Variants in SIGLECL1 observed in about 807,000 individuals in gnomAD.
SIGLECL1 encodes the protein SIGLEC family like 1.
Under a neutral mutation model 19.1 loss-of-function variants are expected in SIGLECL1, and 16 were observed. The observed-to-expected ratio is 0.84, with a 90% CI of 0.57 to 1.27. The LOEUF (loss-of-function observed/expected upper bound fraction) is 1.27, where lower values mean the gene tolerates loss of function less well. SIGLECL1 is among the 50% of genes most tolerant of loss of function. The pLI, the probability that SIGLECL1 is intolerant of heterozygous loss-of-function variation, is 0.00. For synonymous variants in SIGLECL1, 89 were observed against 90.4 expected (o/e 0.98, Z 0.09); for missense variants, 210 against 239.4 (o/e 0.88, Z 0.81).
chr19:51,266,735 G>T (rs1568446862), intron 4 of SIGLECL1, among the ~76,000 whole-genome samples: 1 of 152,196 alleles, frequency 6.6e-6, no homozygotes, highest in Non-Finnish European at 1.5e-5. Context: ...TTAGCTGCAT[G>T]TATTAGCTAG....
At chr19:51,257,273 G>A (rs1461285277) in intron 1 of SIGLECL1, among the ~76,000 whole-genome samples, 1 of 152,026 alleles carries the variant, frequency 6.6e-6, no homozygotes, top group Non-Finnish European at 1.5e-5. Context: ...AGGCATGGTG[G>A]CACATGCTTG....
Position 51,265,490 on chromosome 19 carries a change from G to A in SIGLECL1, c.145G>A (p.Asp49Asn). The change falls in exon 3 of 6, where the codon GAT becomes AAT. Residue 49 changes from aspartate (D) to asparagine (N), a missense_variant. Coordinates refer to ENST00000601727, the MANE Select transcript of SIGLECL1 (RefSeq NM_001385465.1). ...WWMGGVPVGV[D>N]GMDGSLQVTS... ...GATGGGAGGAGTCCCCGTGGGTGTG[G>A]ATGGCATGGATGGCAGCCTCCAAGT... 1 of 1,614,126 alleles carries A rather than the reference G, an allele frequency of 6.2e-7. No individual in the cohort carries two copies. Among genetic ancestry groups the A allele is most frequent in the South Asian group, 1.1e-5 (1 of 91,090 alleles).
chr19:51,256,273 AATG>A (rs1309045815), intron 1 of SIGLECL1, among the ~76,000 whole-genome samples: 4 of 152,214 alleles, frequency 2.6e-5, no homozygotes, highest in African/African-American at 9.6e-5. Context: ...CCAAGAACTG[AATG>A]ATGATGTTAA....
Position 51,265,804 on chromosome 19 carries a change from TC to T in SIGLECL1, c.333del (p.Phe111LeufsTer2), listed in dbSNP as rs752773595. 6.2e-7 allele frequency: 1 copy of T among 1,614,082 alleles called. No individual in the cohort carries two copies. Among genetic ancestry groups the T allele is most frequent in the African/African-American group, 1.3e-5 (1 of 74,910 alleles). Reference protein sequence around the residue: ...SRKSSLAAQAFVKGLIQGAIY... With the variant: ...SRKSSLAAQAXVKGLIQGAIY... ...AAGAGTTCTTTGGCTGCCCAGGCCT[TC>T]GTGAAAGGGCTGATCCAGGGTGCTA... is the stretch of plus-strand genomic sequence containing the variant. On this transcript the variant is annotated frameshift_variant, in exon 4 of 6. Coordinates refer to ENST00000601727, the MANE Select transcript of SIGLECL1 (RefSeq NM_001385465.1). LOFTEE classifies it high-confidence loss of function.
In SIGLECL1 at chr19:51,265,564, T is replaced by G; in HGVS notation, c.219T>G (p.Thr73=). 6.2e-7 allele frequency: 1 copy of G among 1,614,158 alleles called. No individual in the cohort carries two copies. The highest frequency in any genetic ancestry group is 8.5e-7 in the Non-Finnish European group (1 of 1,180,034). The change falls in exon 3 of 6, where the codon ACT becomes ACG. Residue 73 remains threonine (T), a synonymous_variant. Coordinates refer to ENST00000601727, the MANE Select transcript of SIGLECL1 (RefSeq NM_001385465.1). ...GPWANSTISL[T]EEPEMGMRLL... ...GGGCTAACAGCACCATCAGCCTAAC[T>G]GAAGAGCCAGAAATGGGCATGAGAC...
At chr19:51,265,926 C>A in intron 4 of SIGLECL1, 44 bp downstream of exon 4, 1 of 1,594,718 alleles carries the variant, frequency 6.3e-7, no homozygotes. Context: ...TACTACCGGG[C>A]AGGCCCTGGC....
intron 3 of SIGLECL1, 43 bp downstream of exon 3, chr19:51,265,692 C>T (rs199591888): frequency 2.4e-5 from 38 of 1,611,136 alleles, no homozygotes; most frequent in Admixed American, 3.3e-5. Context: ...GGACAATAAG[C>T]GGGATGGGGA....
At chr19:51,247,549 G>T (rs1225905702), upstream of SIGLECL1, among the ~76,000 whole-genome samples, 1 of 152,012 alleles carries the variant, frequency 6.6e-6, no homozygotes, top group African/African-American at 2.4e-5. Flanking sequence ...CTCCCAAGTA[G>T]CTGGGACTAC....
upstream of SIGLECL1, among the ~76,000 whole-genome samples, chr19:51,250,064 T>C (rs1982399900): frequency 6.6e-6 from 1 of 151,290 alleles, no homozygotes; most frequent in African/African-American, 2.4e-5. Flanking sequence ...ATCTTGGTTT[T>C]GGTGGGATTT....
At chr19:51,268,243 C>A (rs904196009) in intron 5 of SIGLECL1, among the ~76,000 whole-genome samples, 1 of 152,142 alleles carries the variant, frequency 6.6e-6, no homozygotes, top group African/African-American at 2.4e-5. Flanking sequence ...GAGAAGGCAC[C>A]TTCACAGTAG....
At chr19:51,252,905 G>A (rs535022554) in intron 1 of SIGLECL1, among the ~76,000 whole-genome samples, 1 of 152,110 alleles carries the variant, frequency 6.6e-6, no homozygotes, top group East Asian at 1.9e-4. Flanking sequence ...TGAGAAGACT[G>A]CTTGAGCCCA....
intron 1 of SIGLECL1, 42 bp from the exon 2 acceptor site, chr19:51,263,841 T>A (rs758066779): frequency 8.4e-6 from 4 of 475,704 alleles, no homozygotes. Flanking sequence ...TGTCCGTACG[T>A]GCTCATGAGC....
intron 1 of SIGLECL1, among the ~76,000 whole-genome samples, chr19:51,253,461 A>G (rs1175247364): frequency 2.6e-5 from 4 of 152,224 alleles, no homozygotes; most frequent in African/African-American, 9.7e-5. Context: ...CCCATTTTAA[A>G]AGTTAGTTTT....
Position 51,265,830 on chromosome 19 carries a change from A to C in SIGLECL1, c.358A>C (p.Ile120Leu). The C allele has an allele frequency of 6.2e-7, 1 of 1,614,152 alleles. No individual in the cohort carries two copies. Among genetic ancestry groups the C allele is most frequent in the Non-Finnish European group, 8.5e-7 (1 of 1,180,028 alleles). ...AFVKGLIQGA[I>L]YAGIVIALLF... ...CGTGAAAGGGCTGATCCAGGGTGCT[A>C]TCTATGCGGGAATTGTAATTGCGCT... The change falls in exon 4 of 6, where the codon ATC (isoleucine) becomes CTC (leucine). Residue 120 changes from isoleucine (I) to leucine (L), a missense_variant. Transcript: ENST00000601727.
chr19:51,265,243 TG>T, intron 2 of SIGLECL1, 124 bp from the exon 3 acceptor site: 1 of 1,071,330 alleles, frequency 9.3e-7, no homozygotes, highest in Non-Finnish European at 1.4e-6. Flanking sequence ...CTGAATCCTG[TG>T]GGCTTCCAGA....
At chr19:51,251,807 C>T (rs961400367) in intron 1 of SIGLECL1, among the ~76,000 whole-genome samples, 1 of 152,226 alleles carries the variant, frequency 6.6e-6, no homozygotes, top group African/African-American at 2.4e-5. Flanking sequence ...TCGTTTTCCT[C>T]ACCATAAATA....
At chr19:51,248,022 C>A (rs1251485553), upstream of SIGLECL1, among the ~76,000 whole-genome samples, 1 of 152,192 alleles carries the variant, frequency 6.6e-6, no homozygotes, top group Non-Finnish European at 1.5e-5. Context: ...AGAGCAAGGG[C>A]ATGGGAGTCC....
intron 1 of SIGLECL1, among the ~76,000 whole-genome samples, chr19:51,262,044 T>C (rs895410768): frequency 7.2e-5 from 11 of 152,210 alleles, no homozygotes; most frequent in African/African-American, 2.7e-4. Context: ...ATGTTCTGGA[T>C]GCAAGCACGT....
chr19:51,264,080 C>G lies in SIGLECL1; in HGVS notation c.8C>G (p.Pro3Arg). ...CTGTTGCTGCTGGAAGTGATGCTTC[C>G]ACTGCTACAGCTGGGTAAGTAAGGT... is the stretch of plus-strand genomic sequence containing the variant. ML[P>R]LLQLVPAKLL... is the part of the protein sequence containing the mutation. Residue 3 changes from proline (P) to arginine (R), a missense_variant, in exon 2 of 6, where the codon CCA becomes CGA. Transcript: ENST00000601727. The G allele has an allele frequency of 6.2e-7, 1 of 1,614,004 alleles. No homozygotes were observed. The highest frequency in any genetic ancestry group is 8.5e-7 in the Non-Finnish European group (1 of 1,179,952).
Sources: allele counts gnomAD v4.1 joint callset (sites outside exome capture counted in the v4.1 genomes callset), GRCh38; gene constraint gnomAD v4.1.1; transcripts MANE v1.5; gene names NCBI Gene and HGNC (gene_info 2026-07-23, HGNC 2026-07-21).